The following FMN1 variants were observed in gnomAD, a reference collection of about 807,000 sequenced individuals.
FMN1 encodes the protein formin 1, also known as formin-1.
In FMN1, 110 loss-of-function variants were observed where a neutral mutation model predicts 132.4. The observed-to-expected ratio is 0.83, with a 90% CI of 0.71 to 0.97. The LOEUF (loss-of-function observed/expected upper bound fraction) is 0.97, where lower values mean the gene tolerates loss of function less well. Ranked by LOEUF, FMN1 falls within the 50% of genes least tolerant of loss-of-function variation. FMN1 has a pLI of 0.00. For missense variants in FMN1, 1,792 were observed against 1,705.3 expected, an observed-to-expected ratio of 1.05 and a Z score of -0.90; for synonymous variants, 722 against 651.7, an observed-to-expected ratio of 1.11 and a Z score of -1.64.
chr15:32,800,999 G>C lies in FMN1; in HGVS notation c.3981-2046C>G, dbSNP rs146722222. ...GAAAGTCTTTCATTTCTAGTATTTA[G>C]AGGGACAACTTATCTTCTGATTTTC... On this transcript the variant is annotated intron_variant, in intron 18 of 20. Coordinates refer to ENST00000616417, the MANE Select transcript of FMN1 (RefSeq NM_001277313.2). 7.2e-5 allele frequency among the ~76,000 whole-genome samples: 11 copies of C among 152,274 alleles called. No individual in the cohort carries two copies. In the East Asian group the frequency reaches 2.1e-3, roughly 29 times the overall value.
intron 19 of FMN1, among the ~76,000 whole-genome samples, chr15:32,789,717 G>C (rs1403015558): frequency 6.6e-6 from 1 of 151,974 alleles, no homozygotes; most frequent in Non-Finnish European, 1.5e-5. Flanking sequence ...GACTCACCCA[G>C]AGCAATTTCC....
chr15:33,115,144 C>T, intron 4 of FMN1, among the ~76,000 whole-genome samples: 1 of 152,112 alleles, frequency 6.6e-6, no homozygotes. Context: ...TCAAGGAGTC[C>T]AGTCTCCCAT....
chr15:33,161,029 G>A (rs892289095), intron 3 of FMN1, among the ~76,000 whole-genome samples: 4 of 152,154 alleles, frequency 2.6e-5, no homozygotes, highest in South Asian at 2.1e-4. Context: ...ATTAGTTGTC[G>A]TCATTCTGTC....
intron 5 of FMN1, chr15:33,067,593 C>G: frequency 6.2e-7 from 1 of 1,613,998 alleles, no homozygotes; most frequent in Non-Finnish European, 8.5e-7. Context: ...TCCACGCTTG[C>G]AATTTTCTCA....
intron 4 of FMN1, among the ~76,000 whole-genome samples, chr15:33,119,212 T>C (rs1962319499): frequency 1.3e-5 from 2 of 152,204 alleles, no homozygotes; most frequent in South Asian, 4.1e-4. Context: ...TCTCTCCACC[T>C]GCAACCCAGA....
intron 4 of FMN1, among the ~76,000 whole-genome samples, chr15:33,095,069 C>T (rs1410899556): frequency 1.3e-5 from 2 of 151,968 alleles, no homozygotes; most frequent in African/African-American, 2.4e-5. Context: ...AGAATATGAC[C>T]GGGTGCAGTG....
chr15:32,866,812 C>T (rs2059402897), intron 16 of FMN1, among the ~76,000 whole-genome samples: 1 of 152,200 alleles, frequency 6.6e-6, no homozygotes, highest in Non-Finnish European at 1.5e-5. Context: ...CAGGATTCTG[C>T]ATCTTGACTA....
chr15:32,886,697 A>C (rs930552608), intron 16 of FMN1, among the ~76,000 whole-genome samples: 9 of 152,194 alleles, frequency 5.9e-5, no homozygotes, highest in Non-Finnish European at 1.3e-4. Context: ...GGGCCAAGAG[A>C]CAAGAGGGAA....
chr15:32,895,762 C>CAA (rs35151092), intron 15 of FMN1, among the ~76,000 whole-genome samples: 97,523 of 151,596 alleles, frequency 0.64, 32,855 homozygotes, highest in African/African-American at 0.86. Flanking sequence ...TGTTAATTCT[C>CAA]GAGTTCATTG....
At chr15:33,012,705 T>C in intron 6 of FMN1, 1 of 781,768 alleles carries the variant, frequency 1.3e-6, no homozygotes, top group Non-Finnish European at 2.3e-6. Context: ...GAGGACATAG[T>C]AGTTCTGGAA....
At chr15:33,112,255 T>C (rs2039736414) in intron 4 of FMN1, among the ~76,000 whole-genome samples, 1 of 151,602 alleles carries the variant, frequency 6.6e-6, no homozygotes, top group South Asian at 2.1e-4. Context: ...TATATAAACA[T>C]TAGAAGTTTG....
At chr15:33,040,866 T>C (rs1226683162) in intron 6 of FMN1, among the ~76,000 whole-genome samples, 1 of 152,234 alleles carries the variant, frequency 6.6e-6, no homozygotes, top group African/African-American at 2.4e-5. Context: ...CTGAAAACCA[T>C]TTGTTATTGT....
At chr15:32,975,548 C>A (rs1392248225) in intron 7 of FMN1, among the ~76,000 whole-genome samples, 1 of 152,202 alleles carries the variant, frequency 6.6e-6, no homozygotes, top group Admixed American at 6.5e-5. Context: ...AATACTGAAA[C>A]TAGAGCAGAC....
intron 7 of FMN1, among the ~76,000 whole-genome samples, chr15:33,007,083 T>C (rs1209467334): frequency 6.6e-6 from 1 of 152,196 alleles, no homozygotes. Context: ...ATGATAAATA[T>C]GTGAGGCAAT....
At chr15:32,965,663 A>T (rs1263431008) in intron 8 of FMN1, among the ~76,000 whole-genome samples, 3 of 152,204 alleles carry the variant, frequency 2.0e-5, no homozygotes, top group Non-Finnish European at 4.4e-5. Context: ...CACACTTTGC[A>T]ATAGATCTGC....
intron 16 of FMN1, among the ~76,000 whole-genome samples, chr15:32,886,176 C>T (rs1377100993): frequency 6.6e-6 from 1 of 152,110 alleles, no homozygotes; most frequent in African/African-American, 2.4e-5. Context: ...TAAATATTTA[C>T]TGGGTACCTT....
intron 4 of FMN1, among the ~76,000 whole-genome samples, chr15:33,139,754 C>T (rs1353457933): frequency 1.3e-5 from 2 of 152,136 alleles, no homozygotes; most frequent in African/African-American, 2.4e-5. Flanking sequence ...GCATATTCCA[C>T]CAATAGACAG....
At chr15:32,925,878 T>A (rs71462829) in intron 10 of FMN1, among the ~76,000 whole-genome samples, 2,553 of 152,262 alleles carry the variant, frequency 0.017, 36 homozygotes, top group Non-Finnish European at 0.022. Flanking sequence ...CTGGGCAACA[T>A]GGCAAAACCC....
At chr15:33,113,111 A>G (rs2039775427) in intron 4 of FMN1, among the ~76,000 whole-genome samples, 1 of 152,226 alleles carries the variant, frequency 6.6e-6, no homozygotes, top group Admixed American at 6.5e-5. Context: ...TCTACCTCTC[A>G]ATATGCTGTT....
Sources: gnomAD v4.1 joint callset for allele counts (sites outside exome capture counted in the v4.1 genomes callset) on GRCh38, gnomAD v4.1.1 for gene constraint, MANE v1.5 for transcripts, NCBI Gene and HGNC (gene_info 2026-07-23, HGNC 2026-07-21) for gene names.